The following ING5 variants were observed in gnomAD, a reference collection of about 807,000 sequenced individuals.
ING5 encodes inhibitor of growth family member 5.
A neutral mutation model predicts 37.4 loss-of-function variants in ING5; 17 were observed. That is an observed-to-expected ratio of 0.45 (90% CI 0.31 to 0.68). The LOEUF (loss-of-function observed/expected upper bound fraction) is 0.68. Ranked by LOEUF, ING5 falls within the 30% of genes least tolerant of loss-of-function variation. The pLI is 0.05. For synonymous variants in ING5, 123 were observed against 116.6 expected (o/e 1.06, Z -0.36); for missense variants, 233 against 311.9 (o/e 0.75, Z 1.91).
rs1026399993 is a variant in ING5, at chr2:241,725,091, A to G, written c.*60A>G. 2.3e-5 allele frequency: 35 copies of G among 1,553,412 alleles called. No homozygotes were observed. The highest frequency in any genetic ancestry group is 1.1e-4 in the African/African-American group (8 of 73,764). On this transcript the variant is annotated 3_prime_UTR_variant, in exon 8 of 8. Transcript: ENST00000313552. ...AATCTGTCCCTTCATTCGTGTCGCA[A>G]TATTTCCCTTCCTTTTAAAACTACC...
intron 3 of ING5, among the ~76,000 whole-genome samples, chr2:241,710,987 G>T (rs1048556371): frequency 2.6e-5 from 4 of 152,176 alleles, no homozygotes; most frequent in African/African-American, 9.7e-5. Context: ...GACCTCAGGT[G>T]ATCAGACTGC....
intron 5 of ING5, among the ~76,000 whole-genome samples, chr2:241,718,067 C>T (rs947006117): frequency 2.6e-5 from 4 of 152,162 alleles, no homozygotes; most frequent in Non-Finnish European, 4.4e-5. Flanking sequence ...GGCTGGAGTG[C>T]GGTGGCGCAA....
At chr2:241,724,940 C>G in intron 7 of ING5, 49 bp from the exon 8 acceptor site, 2 of 1,599,120 alleles carry the variant, frequency 1.3e-6, no homozygotes, top group Non-Finnish European at 8.5e-7. Context: ...GCACCCTGCG[C>G]GCTGGCGGAA....
intron 5 of ING5, chr2:241,719,474 C>T: frequency 7.5e-7 from 1 of 1,333,416 alleles, no homozygotes; most frequent in South Asian, 1.3e-5. Flanking sequence ...TTTGTGTTTT[C>T]TAACTCAGTG....
Position 241,729,155 on chromosome 2 carries a change from C to T in ING5, c.*4124C>T, listed in dbSNP as rs558532573. ...AGTGAGCAGTGATTGGCCTTCAATA[C>T]TTGTGCTGAGAGGAATTTTAAGCCA... On this transcript the variant is annotated 3_prime_UTR_variant, in exon 8 of 8. Transcript: ENST00000313552. 6.6e-6 allele frequency: 1 copy of T among 152,622 alleles called. No homozygotes were observed. The highest frequency in any genetic ancestry group is 2.1e-4 in the South Asian group (1 of 4,826). 9.5% of individuals were successfully genotyped at this position (152,622 alleles called of 1,614,324 possible).
Position 241,729,349 on chromosome 2 carries a change from C to G in ING5, c.*4318C>G, listed in dbSNP as rs973547572. 6.6e-6 allele frequency: 1 copy of G among 152,434 alleles called. No homozygotes were observed. Among genetic ancestry groups the G allele is most frequent in the East Asian group, 1.9e-4 (1 of 5,202 alleles). The allele number at this position is 152,434 out of a possible 1,614,324, so 9.4% of individuals were successfully genotyped here. A position where few individuals can be genotyped will look rare whatever the true frequency, so the allele number is the denominator to read the frequency against. ...TTTTCAAGGAATTATTATCTATGTT[C>G]CCTTTGTAAAGGAAAGATAATGTTG... On this transcript the variant is annotated 3_prime_UTR_variant, in exon 8 of 8. Coordinates refer to ENST00000313552, the MANE Select transcript of ING5 (RefSeq NM_032329.6).
At chr2:241,701,899 C>CGCAGCCT (rs2069735095), upstream of ING5, 1 of 355,810 alleles carries the variant, frequency 2.8e-6, no homozygotes, top group African/African-American at 2.2e-5. Flanking sequence ...GCCCGGGCCC[C>CGCAGCCT]GCAGCCCGCC....
intron 5 of ING5, chr2:241,721,086 G>A (rs1442710900): frequency 1.5e-5 from 15 of 985,526 alleles, no homozygotes; most frequent in African/African-American, 5.2e-5. Flanking sequence ...TGGACTCGGC[G>A]CAGAAGAGGA....
At chr2:241,702,739 A>C (rs1315988202) in intron 1 of ING5, among the ~76,000 whole-genome samples, 5 of 152,194 alleles carry the variant, frequency 3.3e-5, no homozygotes, top group African/African-American at 1.2e-4. Context: ...CCAGCGGCTG[A>C]GCGGACGGTG....
At chr2:241,709,460 C>A in intron 3 of ING5, 78 bp downstream of exon 3, 1 of 1,420,732 alleles carries the variant, frequency 7.0e-7, no homozygotes, top group Non-Finnish European at 9.6e-7. Context: ...TAAAAACTGC[C>A]CGGAAATGGG....
intron 5 of ING5, among the ~76,000 whole-genome samples, chr2:241,715,472 A>T (rs1575134285): frequency 1.4e-5 from 1 of 70,942 alleles, no homozygotes; most frequent in African/African-American, 6.4e-5. Context: ...CTGGAATAGA[A>T]TTTTTTTTTT....
At chr2:241,708,598 T>C (rs1362952593) in intron 2 of ING5, among the ~76,000 whole-genome samples, 1 of 152,214 alleles carries the variant, frequency 6.6e-6, no homozygotes, top group Non-Finnish European at 1.5e-5. Context: ...TTTTCTTTTG[T>C]TTCTTGCTCT....
At chr2:241,689,219 T>A (rs2069510147) in intron 1 of ING5, among the ~76,000 whole-genome samples, 1 of 151,994 alleles carries the variant, frequency 6.6e-6, no homozygotes, top group African/African-American at 2.4e-5. Flanking sequence ...TTCAACCTAT[T>A]CTCCTGCATC....
At chr2:241,700,898 T>A (rs577361834), upstream of ING5, among the ~76,000 whole-genome samples, 7 of 151,656 alleles carry the variant, frequency 4.6e-5, no homozygotes, top group East Asian at 1.4e-3. Flanking sequence ...AGTGTTGGGA[T>A]TACAGGCGTG....
intron 3 of ING5, among the ~76,000 whole-genome samples, 158 bp from the exon 4 acceptor site, chr2:241,711,219 G>A (rs7371753): frequency 0.34 from 51,088 of 152,122 alleles, 9,495 homozygotes; most frequent in Middle Eastern, 0.42. Context: ...ACCCTTGCAT[G>A]GACTTTGAAA....
intron 5 of ING5, among the ~76,000 whole-genome samples, chr2:241,713,202 G>A (rs1165435784): frequency 6.6e-6 from 1 of 150,978 alleles, no homozygotes; most frequent in African/African-American, 2.4e-5. Flanking sequence ...AACTACAAGT[G>A]CGCACCACCA....
chr2:241,711,760 G>C (rs1005274741), intron 4 of ING5: 2 of 584,574 alleles, frequency 3.4e-6, no homozygotes, highest in South Asian at 4.4e-5. Flanking sequence ...AATTAGCCAG[G>C]TGTGGTGGTG....
At chr2:241,701,244 G>C (rs72484056), upstream of ING5, among the ~76,000 whole-genome samples, 7 of 152,024 alleles carry the variant, frequency 4.6e-5, no homozygotes, top group African/African-American at 1.7e-4. Flanking sequence ...GATTACAGGC[G>C]TGCGCCAGCG....
exon 2 of ING5, chr2:241,690,483 A>T (rs2069533680): frequency 2.5e-6 from 1 of 396,308 alleles, no homozygotes; most frequent in South Asian, 1.3e-4. Flanking sequence ...GATGACTGCC[A>T]CACCCCAGCC....
Sources: allele counts gnomAD v4.1 joint callset (sites outside exome capture counted in the v4.1 genomes callset), GRCh38; gene constraint gnomAD v4.1.1; transcripts MANE v1.5; gene names NCBI Gene and HGNC (gene_info 2026-07-23, HGNC 2026-07-21).